TRAPPC9: variants seen among roughly 807,000 people sequenced by gnomAD.
TRAPPC9 encodes IKK2 binding protein.
In TRAPPC9, 83 loss-of-function variants were observed where a neutral mutation model predicts 124.0. The ratio of observed to expected loss-of-function variants is 0.67; its 90% confidence interval spans 0.56 to 0.80. The LOEUF is 0.80. Among genes scored for constraint, TRAPPC9 ranks in the 30% least tolerant of loss-of-function variants. TRAPPC9 has a pLI of 0.00. For missense variants in TRAPPC9, 1,302 were observed against 1,508.3 expected, an observed-to-expected ratio of 0.86 and a Z score of 2.27; for synonymous variants, 638 against 617.5, an observed-to-expected ratio of 1.03 and a Z score of -0.49.
intron 18 of TRAPPC9, among the ~76,000 whole-genome samples, chr8:140,014,127 C>A (rs879789136): frequency 6.6e-6 from 1 of 152,184 alleles, no homozygotes; most frequent in Non-Finnish European, 1.5e-5. Context: ...GCCTCGGTGG[C>A]AGGGTGTCTA....
At chr8:140,054,640 C>T (rs1228941291) in intron 17 of TRAPPC9, among the ~76,000 whole-genome samples, 1 of 152,030 alleles carries the variant, frequency 6.6e-6, no homozygotes, top group East Asian at 1.9e-4. Context: ...AATTGACAAG[C>T]CTTTAGTGGG....
chr8:139,841,658 T>G (rs1048031060), intron 21 of TRAPPC9, among the ~76,000 whole-genome samples: 2 of 152,218 alleles, frequency 1.3e-5, no homozygotes, highest in African/African-American at 4.8e-5. Context: ...ACCTCATGGA[T>G]GCAGGAGCTC....
rs191390295 is a variant in TRAPPC9 at position 140,081,115 on chromosome 8, A to G, written c.2557-57036T>C. On this transcript the variant is annotated intron_variant, in intron 17 of 22. Transcript: ENST00000438773. ...AAGCAAGGCCAAGATTAACCATCCTATGCCATCTATCCCCAGTGCGTCTGC... is the reference window on the plus strand; with the variant it reads ...AAGCAAGGCCAAGATTAACCATCCTGTGCCATCTATCCCCAGTGCGTCTGC... Among the ~76,000 whole-genome samples, 6 of 152,156 alleles carry G rather than the reference A, an allele frequency of 3.9e-5. No individual in the cohort carries two copies. The East Asian group carries it at 1.2e-3, about 30-fold the overall frequency.
Position 140,370,995 on chromosome 8 carries a change from A to G in TRAPPC9, c.1320T>C (p.Ser440=), listed in dbSNP as rs2068264972. The G allele has an allele frequency of 6.2e-7, 1 of 1,614,226 alleles. No homozygotes were observed. The highest frequency in any genetic ancestry group is 8.5e-7 in the Non-Finnish European group (1 of 1,180,042). The change falls in exon 8 of 23, where the codon AGT becomes AGC. Residue 440 remains serine, a synonymous_variant. Coordinates refer to ENST00000438773, the MANE Select transcript of TRAPPC9 (RefSeq NM_001160372.4). ...KLLLETLPGY[S]LSLDPKDFSR... ...TGAAATCTTTGGGATCCAGCGACAG[A>G]CTGTAGCCGGGCAGCGTTTCCAGGA...
chr8:139,984,656 G>A lies in TRAPPC9; in HGVS notation c.2810+4070C>T, dbSNP rs1348519843. 6.6e-6 allele frequency among the ~76,000 whole-genome samples: 1 copy of A among 152,190 alleles called. No homozygotes were observed. Among genetic ancestry groups the A allele is most frequent in the Non-Finnish European group, 1.5e-5 (1 of 68,026 alleles). On this transcript the variant is annotated intron_variant, in intron 19 of 22. Transcript: ENST00000438773. This position sits in a 1 kb window ranked among gnomAD's most constrained non-coding sequence, Gnocchi z 4.3. Reference sequence around the variant, plus strand: ...CATTTCCACTTCCTCCACCTGCACTGCTCTGCACAACCCCTCCACGGAGGC... The same window carrying A: ...CATTTCCACTTCCTCCACCTGCACTACTCTGCACAACCCCTCCACGGAGGC...
intron 21 of TRAPPC9, among the ~76,000 whole-genome samples, chr8:139,804,559 A>C (rs1252180946): frequency 4.1e-5 from 4 of 97,266 alleles, no homozygotes; most frequent in Non-Finnish European, 6.4e-5. Flanking sequence ...ACCGCCACCA[A>C]GCACCACCGC....
chr8:140,201,551 C>T (rs1279554922), intron 17 of TRAPPC9, among the ~76,000 whole-genome samples: 1 of 152,216 alleles, frequency 6.6e-6, no homozygotes, highest in African/African-American at 2.4e-5. Context: ...CCAATGCCTA[C>T]TGTGTATACT....
intron 12 of TRAPPC9, among the ~76,000 whole-genome samples, chr8:140,290,357 G>A (rs1178490906): frequency 6.6e-6 from 1 of 152,196 alleles, no homozygotes; most frequent in Non-Finnish European, 1.5e-5. Context: ...AAGACTTGAG[G>A]GATGGGACCT....
rs1166007553 is a variant in TRAPPC9 at position 139,742,855 on chromosome 8, T to C, written c.3056-10653A>G. 1.3e-5 allele frequency among the ~76,000 whole-genome samples: 2 copies of C among 152,134 alleles called. No individual in the cohort carries two copies. The highest frequency in any genetic ancestry group is 2.9e-5 in the Non-Finnish European group (2 of 68,018). ...CCGCCACCTGTGGGCTCAGGTTCAG[T>C]GTACAGCAGAGATTTCAAACCACAG... is the stretch of plus-strand genomic sequence containing the variant. On this transcript the variant is annotated intron_variant, in intron 21 of 22. Coordinates refer to ENST00000438773, the MANE Select transcript of TRAPPC9 (RefSeq NM_001160372.4). The surrounding 1 kb of genome is among the most constrained non-coding windows in gnomAD (Gnocchi z 4.7).
chr8:140,348,881 C>T (rs892852979), intron 9 of TRAPPC9, among the ~76,000 whole-genome samples: 15 of 152,066 alleles, frequency 9.9e-5, no homozygotes, highest in Non-Finnish European at 4.4e-5. Context: ...CTGACGCAAG[C>T]GCCCAGCACA....
intron 16 of TRAPPC9, among the ~76,000 whole-genome samples, chr8:140,229,936 C>T (rs1018205732): frequency 9.9e-5 from 15 of 152,190 alleles, no homozygotes; most frequent in Admixed American, 9.8e-4. Flanking sequence ...AGAAAAGGTC[C>T]TTTAAAGTTG....
At chr8:139,771,969 G>C (rs1341582632) in intron 21 of TRAPPC9, among the ~76,000 whole-genome samples, 1 of 152,242 alleles carries the variant, frequency 6.6e-6, no homozygotes, top group Non-Finnish European at 1.5e-5. Flanking sequence ...GTTGAGAAGG[G>C]AGATATCTGA....
At position 140,183,931 on chromosome 8, in the gene TRAPPC9, G is replaced by A. The variant is rs1343196474; in HGVS notation, c.2556+37528C>T. ...GGAGAGGAGAGGAGAGGAGAGGAGA[G>A]GAGAGGAGAGGAGAGGAGAGGGGAG... is the stretch of plus-strand genomic sequence containing the variant. On this transcript the variant is annotated intron_variant, in intron 17 of 22. Coordinates refer to ENST00000438773, the MANE Select transcript of TRAPPC9 (RefSeq NM_001160372.4). Among the ~76,000 whole-genome samples, 88 of 59,230 alleles carry A rather than the reference G, an allele frequency of 1.5e-3. 3 individuals carry two copies. The highest frequency in any genetic ancestry group is 4.2e-3 in the African/African-American group (83 of 19,672). 38.9% of individuals were successfully genotyped at this position (59,230 alleles called of 152,430 possible). A position where few individuals can be genotyped will look rare whatever the true frequency, so the allele number is the denominator to read the frequency against.
chr8:140,029,710 A>G (rs974878909), intron 17 of TRAPPC9, among the ~76,000 whole-genome samples: 12 of 151,380 alleles, frequency 7.9e-5, no homozygotes, highest in African/African-American at 2.4e-4. Flanking sequence ...TCTAACAAAC[A>G]TGTAAATTAG....
chr8:140,377,987 A>G (rs1056960079), intron 7 of TRAPPC9, among the ~76,000 whole-genome samples: 3 of 152,164 alleles, frequency 2.0e-5, no homozygotes, highest in Non-Finnish European at 2.9e-5. Flanking sequence ...GGATACTTAA[A>G]TGAGACCTTG....
intron 9 of TRAPPC9, among the ~76,000 whole-genome samples, chr8:140,346,405 T>G (rs899705895): frequency 1.3e-5 from 2 of 152,204 alleles, no homozygotes; most frequent in African/African-American, 2.4e-5. Flanking sequence ...GTGCAGATTT[T>G]CCAGCTCCTC....
intron 7 of TRAPPC9, among the ~76,000 whole-genome samples, chr8:140,395,355 G>C (rs1156553569): frequency 6.6e-6 from 1 of 152,156 alleles, no homozygotes; most frequent in Admixed American, 6.5e-5. Context: ...AATTAGCCAA[G>C]ATGACGGGTC....
At chr8:140,458,235 G>T, upstream of TRAPPC9, 1 of 1,551,052 alleles carries the variant, frequency 6.4e-7, no homozygotes. Context: ...TCTGCACCTG[G>T]GGCGGCGCAG....
intron 21 of TRAPPC9, among the ~76,000 whole-genome samples, chr8:139,737,127 T>C: frequency 6.6e-6 from 1 of 152,204 alleles, no homozygotes; most frequent in East Asian, 1.9e-4. Context: ...TCACCCCGTC[T>C]GTGGCCCGCG....
Sources: allele counts gnomAD v4.1 joint callset (sites outside exome capture counted in the v4.1 genomes callset), GRCh38; gene constraint gnomAD v4.1.1; non-coding constraint Gnocchi (gnomAD v3.1); transcripts MANE v1.5; gene names NCBI Gene and HGNC (gene_info 2026-07-23, HGNC 2026-07-21).